Variants in SGK2 observed in about 807,000 individuals in gnomAD.
SGK2 encodes the protein serum/glucocorticoid regulated kinase 2.
Under a neutral mutation model 47.5 loss-of-function variants are expected in SGK2, and 36 were observed. The observed-to-expected ratio is 0.76, with a 90% confidence interval of 0.58 to 1.00. The LOEUF is 1.00. SGK2 is among the 50% of genes least tolerant of loss of function. SGK2 has a pLI of 0.00. For synonymous variants in SGK2, 157 were observed against 181.9 expected, an observed-to-expected ratio of 0.86 and a Z score of 1.10; for missense variants, 404 against 467.4, an observed-to-expected ratio of 0.86 and a Z score of 1.25.
intron 5 of SGK2, among the ~76,000 whole-genome samples, chr20:43,568,387 T>C (rs1482426657): frequency 6.6e-6 from 1 of 152,224 alleles, no homozygotes; most frequent in Non-Finnish European, 1.5e-5. Context: ...CACAGCTCAC[T>C]GCAGCCTCAA....
rs1979975227 is a variant in SGK2 at position 43,569,614 on chromosome 20, C to T, written c.360+98C>T. 8.4e-6 allele frequency: 12 copies of T among 1,422,046 alleles called. No homozygotes were observed. In the East Asian group the frequency reaches 2.3e-4, roughly 27 times the overall value. 88.1% of individuals were successfully genotyped at this position (1,422,046 alleles called of 1,614,324 possible). On this transcript the variant is annotated intron_variant, in intron 6 of 12. Transcript: ENST00000373100. Reference sequence around the variant, plus strand: ...CATGCCAAGTTCTGGAATGATCTCACTTCATCTTACAATAGACCCATTTTG... The same window carrying T: ...CATGCCAAGTTCTGGAATGATCTCATTTCATCTTACAATAGACCCATTTTG...
chr20:43,577,919 A>G (rs1194824792), intron 11 of SGK2, among the ~76,000 whole-genome samples: 1 of 152,138 alleles, frequency 6.6e-6, no homozygotes, highest in African/African-American at 2.4e-5. Flanking sequence ...TGCTAGGATT[A>G]CAGGCATGAG....
intron 6 of SGK2, among the ~76,000 whole-genome samples, chr20:43,569,895 G>A (rs1011521537): frequency 6.6e-6 from 1 of 152,180 alleles, no homozygotes; most frequent in African/African-American, 2.4e-5. Context: ...GTGGTAAACA[G>A]AGACCTCAAG....
At chr20:43,582,985 A>G (rs1980891794) in intron 12 of SGK2, among the ~76,000 whole-genome samples, 1 of 152,198 alleles carries the variant, frequency 6.6e-6, no homozygotes, top group Admixed American at 6.5e-5. Flanking sequence ...GTTAATTGGT[A>G]GTGGCAGTGT....
chr20:43,569,609 T>C, intron 6 of SGK2, 93 bp downstream of exon 6: 1 of 1,436,856 alleles, frequency 7.0e-7, no homozygotes. Flanking sequence ...TCTGGAATGA[T>C]CTCACTTCAT....
chr20:43,569,297 C>T, intron 5 of SGK2, 88 bp from the exon 6 acceptor site: 1 of 1,512,874 alleles, frequency 6.6e-7, no homozygotes, highest in South Asian at 1.2e-5. Context: ...GTAGGATGAC[C>T]CCCACCCACA....
chr20:43,567,010 A>G, intron 2 of SGK2, 58 bp from the exon 3 acceptor site: 3 of 1,417,320 alleles, frequency 2.1e-6, no homozygotes, highest in Non-Finnish European at 3.0e-6. Context: ...CTGGGCCAGG[A>G]GAAAGGGAGG....
rs1267576874 is a variant in SGK2 at position 43,567,959 on chromosome 20, T to C, written c.188T>C (p.Val63Ala). The change falls in exon 5 of 13, where the codon GTG becomes GCG. Residue 63 changes from valine (V) to alanine (A), a missense_variant. Transcript: ENST00000373100. ...KRKSDGAFYA[V>A]KVLQKKSILK... The stretch of plus-strand genomic sequence containing the variant: ...AAGTCTGATGGGGCGTTCTATGCAG[T>C]GAAGGTACTACAGAAAAAGTCCATC... 4 of 1,614,070 alleles carry C rather than the reference T, an allele frequency of 2.5e-6. No individual in the cohort carries two copies. Among genetic ancestry groups the C allele is most frequent in the Non-Finnish European group, 3.4e-6 (4 of 1,180,040 alleles).
chr20:43,571,072 TG>T lies in SGK2; in HGVS notation c.510+13del. 1 of 990,550 alleles carries T rather than the reference TG, an allele frequency of 1.0e-6. No individual in the cohort carries two copies. The allele number at this position is 990,550 out of a possible 1,614,324, so 61.4% of individuals were successfully genotyped here. On this transcript the variant is annotated intron_variant, in intron 8 of 12. Coordinates refer to ENST00000373100, the MANE Select transcript of SGK2 (RefSeq NM_170693.3). The stretch of plus-strand genomic sequence containing the variant: ...TCTTGGACTGCCAGGTTGGTGTGTG[TG>T]TGTGTGTGTGTGTGTGTGTGTGTGT...
chr20:43,583,236 G>T, intron 12 of SGK2: 1 of 1,289,772 alleles, frequency 7.8e-7, no homozygotes, highest in Non-Finnish European at 1.0e-6. Flanking sequence ...ATTTTAAAAA[G>T]ACAGTGAAGA....
rs181015354 is a variant in SGK2, at chr20:43,583,277, C to T, written c.940-1575C>T. On this transcript the variant is annotated intron_variant, in intron 12 of 12. Coordinates refer to ENST00000373100, the MANE Select transcript of SGK2 (RefSeq NM_170693.3). Reference sequence around the variant, plus strand: ...TCGAACTTATACCCTGGAGAGAGAACCATACATGGAATACTAGGCAGAGAT... The same window carrying T: ...TCGAACTTATACCCTGGAGAGAGAATCATACATGGAATACTAGGCAGAGAT... 8.5e-6 allele frequency: 11 copies of T among 1,289,694 alleles called. No individual in the cohort carries two copies. In the Admixed American group the frequency reaches 1.6e-4, roughly 19 times the overall value. The allele number at this position is 1,289,694 out of a possible 1,614,324, so 79.9% of individuals were successfully genotyped here. A position where few individuals can be genotyped will look rare whatever the true frequency, so the allele number is the denominator to read the frequency against.
chr20:43,576,226 G>A lies in SGK2; in HGVS notation c.696G>A (p.Pro232=), dbSNP rs551828538. ...AGCTGTTCTCCCTCTCTCCCCAGCC[G>A]CCCTTCTACAGCCAAGATGTATCCC... ...AVLYEMLHGL[P]PFYSQDVSQM... The change falls in exon 11 of 13, where the codon CCG becomes CCA. Residue 232 remains proline, a splice_region_variant and synonymous_variant. Coordinates refer to ENST00000373100, the MANE Select transcript of SGK2 (RefSeq NM_170693.3). 2.0e-4 allele frequency: 329 copies of A among 1,613,704 alleles called. 1 individual carries two copies. Among genetic ancestry groups the A allele is most frequent in the Middle Eastern group, 1.5e-3 (9 of 6,062 alleles).
At chr20:43,574,030 C>T (rs1443434762) in intron 9 of SGK2, among the ~76,000 whole-genome samples, 1 of 152,206 alleles carries the variant, frequency 6.6e-6, no homozygotes, top group East Asian at 1.9e-4. Flanking sequence ...CATCTTAGAA[C>T]AGCTTCTAGC....
intron 1 of SGK2, among the ~76,000 whole-genome samples, chr20:43,561,481 C>T (rs995704276): frequency 6.7e-6 from 1 of 150,088 alleles, no homozygotes; most frequent in Non-Finnish European, 1.5e-5. Flanking sequence ...CCTCTGCCTC[C>T]TGGGTTCAAG....
intron 1 of SGK2, chr20:43,565,628 T>C (rs1979653330): frequency 6.6e-6 from 1 of 152,198 alleles, no homozygotes; most frequent in Non-Finnish European, 1.5e-5. Flanking sequence ...GGGCCAAGAC[T>C]AAGGTCTTGA....
At chr20:43,567,596 G>T in intron 3 of SGK2, 69 bp from the exon 4 acceptor site, 1 of 1,438,466 alleles carries the variant, frequency 7.0e-7, no homozygotes, top group East Asian at 2.3e-5. Context: ...AAGAAGCCCA[G>T]GTTTGTTCTC....
In SGK2 at chr20:43,571,959, C is replaced by T. The variant is rs370288017; in HGVS notation, c.511-92C>T. 41 of 839,754 alleles carry T rather than the reference C, an allele frequency of 4.9e-5. No individual in the cohort carries two copies. In the East Asian group the frequency reaches 6.8e-4, roughly 14 times the overall value. 52.0% of individuals were successfully genotyped at this position (839,754 alleles called of 1,614,324 possible). ...TGGGCATCAGATCCCACAGCTGCTGCCCTGGGGTGTGGCATCTGGGCTTTG... is the reference window on the plus strand; with the variant it reads ...TGGGCATCAGATCCCACAGCTGCTGTCCTGGGGTGTGGCATCTGGGCTTTG... On this transcript the variant is annotated intron_variant, in intron 8 of 12. Coordinates refer to ENST00000373100, the MANE Select transcript of SGK2 (RefSeq NM_170693.3).
At chr20:43,570,509 C>A in intron 6 of SGK2, 108 bp from the exon 7 acceptor site, 1 of 673,172 alleles carries the variant, frequency 1.5e-6, no homozygotes, top group Non-Finnish European at 2.6e-6. Context: ...AAGAATGCTG[C>A]AGGTCAGAGA....
chr20:43,575,332 G>A (rs1025623313), intron 10 of SGK2, among the ~76,000 whole-genome samples: 2 of 151,460 alleles, frequency 1.3e-5, no homozygotes, highest in Non-Finnish European at 2.9e-5. Flanking sequence ...GCGTGGTGGC[G>A]GGCACCTGTA....
Sources: gnomAD v4.1 joint callset for allele counts (sites outside exome capture counted in the v4.1 genomes callset) on GRCh38, gnomAD v4.1.1 for gene constraint, MANE v1.5 for transcripts, NCBI Gene and HGNC (gene_info 2026-07-23, HGNC 2026-07-21) for gene names.